Variants in RRBP1 observed in about 807,000 individuals in gnomAD.
The protein encoded by RRBP1 is ribosome binding protein 1.
Under a neutral mutation model 165.2 loss-of-function variants are expected in RRBP1, and 94 were observed. The ratio of observed to expected loss-of-function variants is 0.57; its 90% CI spans 0.48 to 0.68. The LOEUF is 0.68. RRBP1 is among the 30% of genes least tolerant of loss of function. The pLI, the probability that RRBP1 is intolerant of heterozygous loss-of-function variation, is 0.00. For synonymous variants in RRBP1, 680 were observed against 714.5 expected (o/e 0.95, Z 0.77); for missense variants, 1,676 against 1,763.0 (o/e 0.95, Z 0.88).
intron 12 of RRBP1, 35 bp downstream of exon 12, chr20:17,625,471 TCCCTGG>T: frequency 6.3e-7 from 1 of 1,577,126 alleles, no homozygotes; most frequent in Non-Finnish European, 8.7e-7. Flanking sequence ...CACCTGTGCT[TCCCTGG>T]CCCGTCCGTC....
Position 17,659,997 on chromosome 20 carries a change from C to G in RRBP1, c.511G>C (p.Glu171Gln). The part of the protein sequence containing the change: ...QVLTSKAAIL[E>Q]TAPKEVPMVV... ...ATCGGCACCTCCTTGGGAGCAGTTT[C>G]CAAGATGGCAGCCTTCGAAGTGAGA... The change falls in exon 3 of 25, where the codon GAA (glutamate) becomes CAA (glutamine). Residue 171 changes from glutamate (E) to glutamine (Q), a missense_variant. This residue lies in a region of RRBP1 where 392 missense variants were observed against 382.5 expected (regional missense o/e 1.02). Transcript: ENST00000377813. 6.2e-7 allele frequency: 1 copy of G among 1,611,576 alleles called. No individual in the cohort carries two copies. Among genetic ancestry groups the G allele is most frequent in the South Asian group, 1.1e-5 (1 of 90,428 alleles).
At chr20:17,636,147 C>T (rs963619180) in intron 6 of RRBP1, among the ~76,000 whole-genome samples, 4 of 152,232 alleles carry the variant, frequency 2.6e-5, no homozygotes, top group African/African-American at 7.2e-5. Flanking sequence ...TCTGGGCAGC[C>T]GCCCAGTGCT....
chr20:17,658,417 G>T (rs2036683743), intron 3 of RRBP1, among the ~76,000 whole-genome samples, 179 bp downstream of exon 3: 1 of 152,096 alleles, frequency 6.6e-6, no homozygotes, highest in South Asian at 2.1e-4. Flanking sequence ...CCAACCTCCA[G>T]AAGCATGAGC....
Position 17,625,506 on chromosome 20 carries a change from A to C in RRBP1, c.3054+6T>G. ...GTCCGTCCCCGCCTGTGCCTGCCGC[A>C]CTCACATTGTTCTTCACTTTCTGCT... On this transcript the variant is annotated splice_donor_region_variant and intron_variant, in intron 12 of 24. Coordinates refer to ENST00000377813, the MANE Select transcript of RRBP1 (RefSeq NM_001365613.2). 1 of 1,612,698 alleles carries C rather than the reference A, an allele frequency of 6.2e-7. No individual in the cohort carries two copies. The highest frequency in any genetic ancestry group is 8.5e-7 in the Non-Finnish European group (1 of 1,179,444).
Position 17,616,696 on chromosome 20 carries a change from T to C in RRBP1, c.3867+36A>G, listed in dbSNP as rs1340174498. On this transcript the variant is annotated intron_variant, in intron 21 of 24. Coordinates refer to ENST00000377813, the MANE Select transcript of RRBP1 (RefSeq NM_001365613.2). ...AGCAGGGCCTGCACTCTTCTGGGAT[T>C]AGTGATGTGTCTGGGGACCAGCTCA... The C allele has an allele frequency of 2.1e-6, 3 of 1,402,494 alleles. No homozygotes were observed. The African/African-American group carries it at 4.3e-5, about 20-fold the overall frequency. 86.9% of individuals were successfully genotyped at this position (1,402,494 alleles called of 1,614,324 possible). A position where few individuals can be genotyped will look rare whatever the true frequency, so the allele number is the denominator to read the frequency against.
intron 4 of RRBP1, among the ~76,000 whole-genome samples, 183 bp from the exon 5 acceptor site, chr20:17,642,102 C>T (rs774144206): frequency 1.8e-4 from 28 of 152,200 alleles, no homozygotes; most frequent in African/African-American, 5.8e-4. Flanking sequence ...ATCAGCCTGC[C>T]GGGACCCCTG....
chr20:17,671,730 G>A (rs756373095), intron 2 of RRBP1, among the ~76,000 whole-genome samples: 2 of 152,138 alleles, frequency 1.3e-5, no homozygotes, highest in Non-Finnish European at 1.5e-5. Context: ...CAGAACTTAA[G>A]AGTTTGCCTA....
chr20:17,641,564 C>T, intron 5 of RRBP1: 1 of 582,742 alleles, frequency 1.7e-6, no homozygotes, highest in Non-Finnish European at 3.1e-6. Context: ...TGCGTTCTTA[C>T]AGCCACGAAG....
intron 13 of RRBP1, among the ~76,000 whole-genome samples, chr20:17,624,350 CT>C (rs1362062445): frequency 2.0e-5 from 3 of 152,072 alleles, no homozygotes; most frequent in Non-Finnish European, 4.4e-5. Context: ...GTCCTAGTGC[CT>C]CTGTGTCTGT....
intron 3 of RRBP1, among the ~76,000 whole-genome samples, chr20:17,656,372 G>C (rs533235040): frequency 1.5e-4 from 23 of 152,288 alleles, no homozygotes; most frequent in African/African-American, 5.3e-4. Flanking sequence ...GACAATGTCA[G>C]AGTGGCCATC....
At position 17,621,843 on chromosome 20, in the gene RRBP1, C is replaced by T; in HGVS notation, c.3240+12G>A. ...AACTGTGAGGTCCCCGGGAACCACCCTCCCCTCCTACCTGTTGTGCCAAGA... is the reference window on the plus strand; with the variant it reads ...AACTGTGAGGTCCCCGGGAACCACCTTCCCCTCCTACCTGTTGTGCCAAGA... On this transcript the variant is annotated intron_variant, in intron 14 of 24. Transcript: ENST00000377813. 1 of 1,613,598 alleles carries T rather than the reference C, an allele frequency of 6.2e-7. No individual in the cohort carries two copies. The highest frequency in any genetic ancestry group is 8.5e-7 in the Non-Finnish European group (1 of 1,179,692).
intron 2 of RRBP1, among the ~76,000 whole-genome samples, chr20:17,675,273 GT>G (rs1179303875): frequency 6.6e-6 from 1 of 152,202 alleles, no homozygotes; most frequent in Non-Finnish European, 1.5e-5. Flanking sequence ...ATGTTTTTGT[GT>G]TTATATGTGA....
intron 11 of RRBP1, among the ~76,000 whole-genome samples, chr20:17,626,792 C>A (rs1215114510): frequency 1.3e-5 from 2 of 152,228 alleles, no homozygotes; most frequent in Non-Finnish European, 2.9e-5. Context: ...AATAAACACT[C>A]CCCGAACATG....
chr20:17,614,513 C>G (rs553239723), intron 24 of RRBP1, among the ~76,000 whole-genome samples: 1 of 152,084 alleles, frequency 6.6e-6, no homozygotes, highest in Admixed American at 6.5e-5. Flanking sequence ...CGCTTCCCAG[C>G]AAGGGAACCC....
At chr20:17,629,648 CCT>C (rs1430448070) in intron 9 of RRBP1, among the ~76,000 whole-genome samples, 173 bp downstream of exon 9, 4 of 152,146 alleles carry the variant, frequency 2.6e-5, no homozygotes, top group East Asian at 1.9e-4. Context: ...CCCGCCAGCC[CCT>C]GACTGGGCAT....
In RRBP1 at chr20:17,614,792, T is replaced by C; in HGVS notation, c.4139A>G (p.Gln1380Arg). The stretch of plus-strand genomic sequence containing the variant: ...CACCGTGTCCTTCTCCCTTGCCAGC[T>C]GCTCCTGGGTCGTCTTCAGAAGCTC... ...LQELLKTTQE[Q>R]LAREKDTVKK... The change falls in exon 24 of 25, where the codon CAG becomes CGG. Residue 1380 changes from glutamine (Q) to arginine (R), a missense_variant. By Grantham distance (43) the Gln-to-Arg change is conservative. Transcript: ENST00000377813. The C allele has an allele frequency of 5.0e-6, 8 of 1,613,866 alleles. No homozygotes were observed. Among genetic ancestry groups the C allele is most frequent in the Non-Finnish European group, 6.8e-6 (8 of 1,180,026 alleles).
At chr20:17,628,325 G>T (rs1319413615) in intron 9 of RRBP1, among the ~76,000 whole-genome samples, 1 of 152,076 alleles carries the variant, frequency 6.6e-6, no homozygotes, top group South Asian at 2.1e-4. Flanking sequence ...GACCTCCCAG[G>T]ACTCCTCATC....
intron 3 of RRBP1, among the ~76,000 whole-genome samples, chr20:17,648,471 G>A (rs1000779950): frequency 1.3e-5 from 2 of 152,268 alleles, no homozygotes; most frequent in African/African-American, 4.8e-5. Context: ...GCTCCTGACA[G>A]GAAGCAGGCC....
intron 2 of RRBP1, among the ~76,000 whole-genome samples, chr20:17,675,373 T>C (rs1252266433): frequency 1.3e-5 from 2 of 152,262 alleles, no homozygotes; most frequent in East Asian, 1.9e-4. Flanking sequence ...TCAGCAAGAA[T>C]GGGCACCTAT....
Sources: allele counts gnomAD v4.1 joint callset (sites outside exome capture counted in the v4.1 genomes callset), GRCh38; gene constraint gnomAD v4.1.1; regional missense constraint gnomAD v4.1.1; transcripts MANE v1.5; gene names NCBI Gene and HGNC (gene_info 2026-07-23, HGNC 2026-07-21).